Variants in CADM1 observed in about 807,000 individuals in gnomAD.
CADM1 encodes the protein TSLC-1.
Under a neutral mutation model 53.1 loss-of-function variants are expected in CADM1, and 15 were observed. The ratio of observed to expected loss-of-function variants is 0.28; its 90% CI spans 0.19 to 0.44. The LOEUF is 0.44. CADM1 is among the 20% of genes least tolerant of loss of function. The pLI is 1.00. For synonymous variants in CADM1, 281 were observed against 243.0 expected (o/e 1.16, Z -1.45); for missense variants, 434 against 611.3 (o/e 0.71, Z 3.06).
Position 115,434,845 on chromosome 11 carries a change from TTTA to T in CADM1, c.124+69423_124+69425del, listed in dbSNP as rs1208762045. ...TGTATCAGTTCTCTAAGTATTTTAT[TTTA>T]TTATTATTATTATTATTTTTTTTTT... On this transcript the variant is annotated intron_variant, in intron 1 of 11. Transcript: ENST00000331581. Among the ~76,000 whole-genome samples, 477 of 142,926 alleles carry T rather than the reference TTTA, an allele frequency of 3.3e-3. 18 individuals are homozygous for T. The highest frequency in any genetic ancestry group is 7.4e-3 in the Middle Eastern group (2 of 272). 93.8% of individuals were successfully genotyped at this position (142,926 alleles called of 152,430 possible). A position where few individuals can be genotyped will look rare whatever the true frequency, so the allele number is the denominator to read the frequency against.
chr11:115,408,353 C>T (rs1247218338), intron 1 of CADM1, among the ~76,000 whole-genome samples: 1 of 152,202 alleles, frequency 6.6e-6, no homozygotes, highest in Non-Finnish European at 1.5e-5. Context: ...CTTTATACTA[C>T]AGCTAGTTGG....
At chr11:115,455,772 T>G (rs7927390) in intron 1 of CADM1, among the ~76,000 whole-genome samples, 1 of 152,196 alleles carries the variant, frequency 6.6e-6, no homozygotes, top group Non-Finnish European at 1.5e-5. Context: ...GCCAACATGG[T>G]GAAGTACTTC....
intron 1 of CADM1, among the ~76,000 whole-genome samples, chr11:115,446,860 G>C (rs72997952): frequency 0.12 from 18,195 of 152,096 alleles, 1,447 homozygotes; most frequent in Non-Finnish European, 0.17. Context: ...TAAAAAACCA[G>C]GATCCATCAT....
At chr11:115,225,562 G>C (rs1941575147) in intron 5 of CADM1, among the ~76,000 whole-genome samples, 1 of 151,886 alleles carries the variant, frequency 6.6e-6, no homozygotes, top group African/African-American at 2.4e-5. Context: ...CACAAATAAG[G>C]GTCCTAACAA....
At chr11:115,405,571 A>C (rs220829) in intron 1 of CADM1, among the ~76,000 whole-genome samples, 54,023 of 152,040 alleles carry the variant, frequency 0.36, 10,303 homozygotes, top group Non-Finnish European at 0.44. Flanking sequence ...TGCAAACAAG[A>C]AAGAGTCCAT....
intron 1 of CADM1, among the ~76,000 whole-genome samples, chr11:115,465,326 A>G (rs1591272853): frequency 6.6e-6 from 1 of 152,180 alleles, no homozygotes; most frequent in African/African-American, 2.4e-5. Context: ...ATTATATCCT[A>G]GATCCAAAAA....
intron 10 of CADM1, among the ~76,000 whole-genome samples, chr11:115,185,910 T>C (rs1310728774): frequency 6.6e-6 from 1 of 152,158 alleles, no homozygotes; most frequent in East Asian, 1.9e-4. Flanking sequence ...GATGGATTAA[T>C]GAATATGGTG....
chr11:115,378,680 T>C (rs1946499871), intron 1 of CADM1, among the ~76,000 whole-genome samples: 1 of 152,080 alleles, frequency 6.6e-6, no homozygotes, highest in South Asian at 2.1e-4. Context: ...TAAGAATATA[T>C]CACAACACCC....
At chr11:115,336,954 T>C (rs1025134883) in intron 1 of CADM1, among the ~76,000 whole-genome samples, 4 of 152,180 alleles carry the variant, frequency 2.6e-5, no homozygotes, top group Admixed American at 2.6e-4. Context: ...TTACATAAAT[T>C]ACCCATTTCA....
At chr11:115,211,604 C>T (rs1046981640) in intron 7 of CADM1, among the ~76,000 whole-genome samples, 3 of 150,966 alleles carry the variant, frequency 2.0e-5, no homozygotes, top group Admixed American at 6.6e-5. Context: ...CTCAGCCTCC[C>T]GAGTAGCTGG....
intron 1 of CADM1, among the ~76,000 whole-genome samples, chr11:115,496,997 G>A (rs1447948083): frequency 6.6e-6 from 1 of 152,152 alleles, no homozygotes; most frequent in Non-Finnish European, 1.5e-5. Context: ...GGGAACTGGA[G>A]AACCCTTTGT....
intron 1 of CADM1, among the ~76,000 whole-genome samples, chr11:115,416,780 G>A (rs1314000171): frequency 6.6e-6 from 1 of 151,284 alleles, no homozygotes; most frequent in African/African-American, 2.4e-5. Flanking sequence ...CATGCAACAA[G>A]ACATGACCAG....
At chr11:115,417,687 G>A (rs1313091008) in intron 1 of CADM1, among the ~76,000 whole-genome samples, 5 of 152,210 alleles carry the variant, frequency 3.3e-5, no homozygotes, top group African/African-American at 1.2e-4. Context: ...CAGTGGGACA[G>A]AGTGGGATGG....
chr11:115,428,846 T>C (rs1394704736), intron 1 of CADM1, among the ~76,000 whole-genome samples: 1 of 152,034 alleles, frequency 6.6e-6, no homozygotes, highest in African/African-American at 2.4e-5. Context: ...AAGGATAAAA[T>C]TATAAAACAT....
At chr11:115,185,933 A>C (rs527581623) in intron 10 of CADM1, among the ~76,000 whole-genome samples, 42 of 152,332 alleles carry the variant, frequency 2.8e-4, no homozygotes, top group African/African-American at 1.0e-3. Flanking sequence ...GTCACCCCAA[A>C]GCAGTGTCCA....
chr11:115,455,728 C>T (rs1045993855), intron 1 of CADM1, among the ~76,000 whole-genome samples: 2 of 152,178 alleles, frequency 1.3e-5, no homozygotes, highest in South Asian at 2.1e-4. Context: ...AGCTCCTCCC[C>T]CTAAGAGGAA....
intron 9 of CADM1, among the ~76,000 whole-genome samples, chr11:115,192,470 C>T (rs749233074): frequency 1.3e-5 from 2 of 152,180 alleles, no homozygotes; most frequent in Non-Finnish European, 2.9e-5. Flanking sequence ...TGACAATATT[C>T]CTATTTCTAA....
At chr11:115,436,215 G>A (rs1446724506) in intron 1 of CADM1, among the ~76,000 whole-genome samples, 1 of 151,992 alleles carries the variant, frequency 6.6e-6, no homozygotes, top group African/African-American at 2.4e-5. Context: ...GTCCAACATA[G>A]AATGTAAAGA....
rs182313535 is a variant in CADM1, at chr11:115,216,548, A to G, written c.821+1344T>C. ...GGAATAATTCAAACTGTTTACAAAAAGAAAGATCTGAATCTTTGGCAGTGC... is the reference window on the plus strand; with the variant it reads ...GGAATAATTCAAACTGTTTACAAAAGGAAAGATCTGAATCTTTGGCAGTGC... On this transcript the variant is annotated intron_variant, in intron 6 of 11. Coordinates refer to ENST00000331581, the MANE Select transcript of CADM1 (RefSeq NM_001301043.2). Among the ~76,000 whole-genome samples, 272 of 152,372 alleles carry G rather than the reference A, an allele frequency of 1.8e-3. 1 individual carries two copies. In the Middle Eastern group the frequency reaches 0.02, roughly 11 times the overall value.
Sources: gnomAD v4.1 joint callset for allele counts (sites outside exome capture counted in the v4.1 genomes callset) on GRCh38, gnomAD v4.1.1 for gene constraint, MANE v1.5 for transcripts, NCBI Gene and HGNC (gene_info 2026-07-23, HGNC 2026-07-21) for gene names.